Variants in FRRS1 observed in about 807,000 individuals in gnomAD.
FRRS1 encodes ferric reductase 1.
In FRRS1, 51 loss-of-function variants were observed where a neutral mutation model predicts 70.7. That is an observed-to-expected ratio of 0.72 (90% CI 0.58 to 0.91). The LOEUF (loss-of-function observed/expected upper bound fraction) is 0.91, where lower values mean the gene tolerates loss of function less well. Among genes scored for constraint, FRRS1 ranks in the 40% least tolerant of loss-of-function variants. FRRS1 has a pLI of 0.00. For missense variants in FRRS1, 672 were observed against 726.0 expected (o/e 0.93, Z 0.86); for synonymous variants, 225 against 238.7 (o/e 0.94, Z 0.53).
At chr1:99,755,729 G>T (rs1656800265) in intron 1 of FRRS1, among the ~76,000 whole-genome samples, 1 of 152,090 alleles carries the variant, frequency 6.6e-6, no homozygotes, top group South Asian at 2.1e-4. Context: ...GACATTCAAG[G>T]CCACCTTCAA....
chr1:99,721,694 G>T (rs1453325377), intron 9 of FRRS1, among the ~76,000 whole-genome samples: 1 of 151,474 alleles, frequency 6.6e-6, no homozygotes, highest in Admixed American at 6.6e-5. Flanking sequence ...TGCCGCTCAG[G>T]TTCAAGCCAT....
intron 9 of FRRS1, among the ~76,000 whole-genome samples, chr1:99,721,566 TA>T: frequency 6.6e-6 from 1 of 151,710 alleles, no homozygotes; most frequent in African/African-American, 2.4e-5. Context: ...AAAGTAGTAG[TA>T]ACCATGGAGA....
intron 7 of FRRS1, 22 bp from the exon 8 acceptor site, chr1:99,729,770 G>A: frequency 1.3e-6 from 2 of 1,487,824 alleles, no homozygotes; most frequent in Admixed American, 1.8e-5. Context: ...TTGCAAATGA[G>A]AAAAAAAGCT....
chr1:99,743,742 G>T (rs1346526215), intron 4 of FRRS1, among the ~76,000 whole-genome samples: 1 of 152,086 alleles, frequency 6.6e-6, no homozygotes, highest in Non-Finnish European at 1.5e-5. Flanking sequence ...TAGAGACGGG[G>T]TTTCGCCATG....
At chr1:99,716,104 T>C (rs1437912235) in intron 11 of FRRS1, among the ~76,000 whole-genome samples, 2 of 152,306 alleles carry the variant, frequency 1.3e-5, no homozygotes, top group Non-Finnish European at 2.9e-5. Flanking sequence ...TATAATTGAG[T>C]CAATACAAGA....
At position 99,747,358 on chromosome 1, in the gene FRRS1, G is replaced by A. The variant is rs747899866; in HGVS notation, c.269C>T (p.Pro90Leu). Residue 90 changes from proline (P) to leucine (L), a missense_variant, in exon 4 of 17, where the codon CCT becomes CTT. By Grantham distance (98) the Pro-to-Leu change is moderately conservative. Transcript: ENST00000646001. Reference protein sequence around the residue: ...ARNAEDLNGPPIGSFTLIDSE... With the variant: ...ARNAEDLNGPLIGSFTLIDSE... ...GTCAATCAATGTGAAGGAGCCAATA[G>A]GAGGGCCATTCAGATCCTCAGCATT... The A allele has an allele frequency of 1.2e-6, 2 of 1,613,702 alleles. No homozygotes were observed. The highest frequency in any genetic ancestry group is 2.7e-5 in the African/African-American group (2 of 74,908).
At chr1:99,730,413 A>T (rs953360201) in intron 7 of FRRS1, among the ~76,000 whole-genome samples, 4 of 152,202 alleles carry the variant, frequency 2.6e-5, no homozygotes, top group Non-Finnish European at 5.9e-5. Context: ...TCTGAAAGTT[A>T]GATCTTATTC....
chr1:99,763,273 C>A (rs1422876601), intron 1 of FRRS1, among the ~76,000 whole-genome samples: 2 of 151,784 alleles, frequency 1.3e-5, no homozygotes, highest in African/African-American at 4.8e-5. Context: ...CTAAATGGGA[C>A]CCCCTATTTT....
chr1:99,721,897 G>A (rs1490478173), intron 9 of FRRS1, among the ~76,000 whole-genome samples: 7 of 151,916 alleles, frequency 4.6e-5, no homozygotes, highest in African/African-American at 1.2e-4. Context: ...ACGCCCGGTC[G>A]AAAAATTCTT....
At chr1:99,746,689 TG>T (rs1327523312) in intron 4 of FRRS1, among the ~76,000 whole-genome samples, 1 of 152,228 alleles carries the variant, frequency 6.6e-6, no homozygotes, top group Non-Finnish European at 1.5e-5. Flanking sequence ...TTAGACAACC[TG>T]GCAGAAGGGT....
chr1:99,724,828 G>A (rs1157812621), intron 9 of FRRS1, among the ~76,000 whole-genome samples: 1 of 151,014 alleles, frequency 6.6e-6, no homozygotes, highest in Non-Finnish European at 1.5e-5. Context: ...GCAAATATAT[G>A]TATATTTTTG....
intron 9 of FRRS1, among the ~76,000 whole-genome samples, chr1:99,722,782 AT>A: frequency 6.6e-6 from 1 of 152,358 alleles, no homozygotes; most frequent in South Asian, 2.1e-4. Context: ...AAAATAAAAA[AT>A]AACCACAAAA....
At chr1:99,722,675 G>A (rs1203245454) in intron 9 of FRRS1, among the ~76,000 whole-genome samples, 1 of 151,982 alleles carries the variant, frequency 6.6e-6, no homozygotes. Context: ...ATTAAAGTTA[G>A]AAACAAAAGA....
intron 4 of FRRS1, among the ~76,000 whole-genome samples, chr1:99,745,638 C>T (rs989861604): frequency 3.3e-5 from 5 of 152,206 alleles, no homozygotes; most frequent in Non-Finnish European, 5.9e-5. Flanking sequence ...GAGCTGAGAT[C>T]GCACCACTGC....
At chr1:99,746,339 T>A (rs1216994077) in intron 4 of FRRS1, among the ~76,000 whole-genome samples, 1 of 152,136 alleles carries the variant, frequency 6.6e-6, no homozygotes, top group African/African-American at 2.4e-5. Context: ...CTGGAAGGAT[T>A]ACACCATTGA....
rs1298449112 is a variant in FRRS1 at position 99,729,610 on chromosome 1, C to T, written c.858+40G>A. 5.6e-6 allele frequency: 7 copies of T among 1,259,872 alleles called. 1 individual carries two copies. The highest frequency in any genetic ancestry group is 3.5e-5 in the Admixed American group (2 of 56,802). The allele number at this position is 1,259,872 out of a possible 1,614,324, so 78.0% of individuals were successfully genotyped here. A position where few individuals can be genotyped will look rare whatever the true frequency, so the allele number is the denominator to read the frequency against. On this transcript the variant is annotated intron_variant, in intron 8 of 16. Coordinates refer to ENST00000646001, the MANE Select transcript of FRRS1 (RefSeq NM_001361041.2). ...CAGTGATAGCCACACAGCCGGAAAG[C>T]GGGTCTCCAGGTGGAGGTTCTCAGA...
chr1:99,740,956 A>G lies in FRRS1; in HGVS notation c.429-16T>C, dbSNP rs377719973. On this transcript the variant is annotated splice_polypyrimidine_tract_variant and intron_variant, in intron 5 of 16. Transcript: ENST00000646001. ...AACTGTGACTCTGAAATGCAATACC[A>G]GTGAGATTAGAACCCTAATTGTGTC... 24 of 1,607,986 alleles carry G rather than the reference A, an allele frequency of 1.5e-5. No homozygotes were observed. The highest frequency in any genetic ancestry group is 2.0e-5 in the Non-Finnish European group (23 of 1,174,572).
chr1:99,760,714 A>C (rs1571162203), intron 1 of FRRS1, among the ~76,000 whole-genome samples: 2 of 152,064 alleles, frequency 1.3e-5, no homozygotes, highest in East Asian at 3.9e-4. Flanking sequence ...CCATGGTGTG[A>C]TCTTAGCTCA....
chr1:99,724,929 C>A (rs1314917274), intron 9 of FRRS1, among the ~76,000 whole-genome samples: 1 of 151,716 alleles, frequency 6.6e-6, no homozygotes, highest in African/African-American at 2.4e-5. Context: ...ATATCTAATA[C>A]ATATTAAGAT....
Sources: allele counts gnomAD v4.1 joint callset (sites outside exome capture counted in the v4.1 genomes callset), GRCh38; gene constraint gnomAD v4.1.1; transcripts MANE v1.5; gene names NCBI Gene and HGNC (gene_info 2026-07-23, HGNC 2026-07-21).